CMIP: variants seen among roughly 807,000 people sequenced by gnomAD.
The protein encoded by CMIP is C-Maf-inducing protein.
In CMIP, 13 loss-of-function variants were observed where a neutral mutation model predicts 97.3. The observed-to-expected ratio is 0.13, with a 90% CI of 0.09 to 0.21. CMIP has a LOEUF of 0.21. CMIP is among the 10% of genes least tolerant of loss of function. CMIP has a pLI of 1.00. For synonymous variants in CMIP, 538 were observed against 436.3 expected (o/e 1.23, Z -2.91); for missense variants, 847 against 1,024.9 (o/e 0.83, Z 2.37).
chr16:81,475,542 A>G (rs1293282942), intron 1 of CMIP, among the ~76,000 whole-genome samples: 1 of 152,090 alleles, frequency 6.6e-6, no homozygotes, highest in Non-Finnish European at 1.5e-5. Context: ...AACTTAACTC[A>G]ACTCTGCAAT....
chr16:81,545,682 C>G (rs959470391), intron 1 of CMIP, among the ~76,000 whole-genome samples: 3 of 152,198 alleles, frequency 2.0e-5, no homozygotes, highest in Non-Finnish European at 4.4e-5. Context: ...CTTGACTGAT[C>G]TGCTTCTGTT....
At chr16:81,541,183 C>A (rs1182206804) in intron 1 of CMIP, among the ~76,000 whole-genome samples, 1 of 152,134 alleles carries the variant, frequency 6.6e-6, no homozygotes, top group East Asian at 1.9e-4. Context: ...TGTTCCTACC[C>A]CATATCCCAT....
intron 1 of CMIP, among the ~76,000 whole-genome samples, chr16:81,602,807 A>T (rs905148421): frequency 1.3e-5 from 2 of 152,100 alleles, no homozygotes; most frequent in African/African-American, 4.8e-5. Context: ...TTTCTTATCC[A>T]ATTCAGCCTC....
At chr16:81,634,463 C>T (rs1597173392) in intron 3 of CMIP, among the ~76,000 whole-genome samples, 3 of 152,152 alleles carry the variant, frequency 2.0e-5, no homozygotes, top group African/African-American at 7.2e-5. Context: ...GATGACTAAA[C>T]GTGTCCATAG....
chr16:81,693,648 C>T (rs1029702220), intron 13 of CMIP, among the ~76,000 whole-genome samples, 161 bp downstream of exon 13: 7 of 152,146 alleles, frequency 4.6e-5, no homozygotes, highest in African/African-American at 1.4e-4. Flanking sequence ...GGTGCAGAGC[C>T]CAGCCTGTGA....
At chr16:81,503,047 C>A (rs4889327) in intron 1 of CMIP, among the ~76,000 whole-genome samples, 1 of 152,048 alleles carries the variant, frequency 6.6e-6, no homozygotes, top group Non-Finnish European at 1.5e-5. Flanking sequence ...CTGGCCTCCT[C>A]GTTGATGTTT....
At chr16:81,456,464 G>A (rs1906553487) in intron 1 of CMIP, among the ~76,000 whole-genome samples, 1 of 152,210 alleles carries the variant, frequency 6.6e-6, no homozygotes, top group South Asian at 2.1e-4. Context: ...CTGGCAGCAA[G>A]GGCCGAATCA....
intron 1 of CMIP, among the ~76,000 whole-genome samples, chr16:81,505,296 T>C (rs955665104): frequency 1.3e-5 from 2 of 152,212 alleles, no homozygotes; most frequent in Non-Finnish European, 2.9e-5. Context: ...GAATCCCTCA[T>C]GTGTTCTGAA....
chr16:81,605,211 G>A (rs1417481071), intron 1 of CMIP, among the ~76,000 whole-genome samples: 1 of 152,180 alleles, frequency 6.6e-6, no homozygotes, highest in Non-Finnish European at 1.5e-5. Flanking sequence ...CCAGAACAGT[G>A]AAGGGCAGGC....
intron 10 of CMIP, among the ~76,000 whole-genome samples, chr16:81,679,052 G>A (rs1406910295): frequency 6.6e-6 from 1 of 152,222 alleles, no homozygotes; most frequent in Non-Finnish European, 1.5e-5. Flanking sequence ...GTGTGCAGGA[G>A]CACAGGGGTG....
At chr16:81,650,956 T>G (rs2092421357) in intron 3 of CMIP, among the ~76,000 whole-genome samples, 1 of 152,176 alleles carries the variant, frequency 6.6e-6, no homozygotes, top group South Asian at 2.1e-4. Flanking sequence ...CCTCAGATAC[T>G]TCCTTGATAG....
At chr16:81,513,191 C>CT (rs2089846526) in intron 1 of CMIP, among the ~76,000 whole-genome samples, 1 of 152,228 alleles carries the variant, frequency 6.6e-6, no homozygotes, top group Non-Finnish European at 1.5e-5. Context: ...TTGGAAGATT[C>CT]TCCCCCTAGA....
At chr16:81,677,408 A>G (rs1050342260) in intron 9 of CMIP, among the ~76,000 whole-genome samples, 6 of 152,162 alleles carry the variant, frequency 3.9e-5, no homozygotes, top group African/African-American at 1.4e-4. Flanking sequence ...GTGTTTGAGC[A>G]TCTGTGTGAC....
At chr16:81,583,431 C>G (rs367683342) in intron 1 of CMIP, among the ~76,000 whole-genome samples, 1 of 152,244 alleles carries the variant, frequency 6.6e-6, no homozygotes, top group African/African-American at 2.4e-5. Context: ...CTGTTCTAGG[C>G]TAAATCTGAA....
chr16:81,499,318 A>T (rs2089552372), intron 1 of CMIP, among the ~76,000 whole-genome samples: 1 of 152,180 alleles, frequency 6.6e-6, no homozygotes, highest in Non-Finnish European at 1.5e-5. Context: ...CTCGGCACAC[A>T]TACTTGTCTC....
intron 1 of CMIP, among the ~76,000 whole-genome samples, chr16:81,584,697 A>G (rs1429164335): frequency 6.6e-6 from 1 of 152,220 alleles, no homozygotes; most frequent in Non-Finnish European, 1.5e-5. Context: ...GGCGCCGTCC[A>G]TCATCCGAAT....
At chr16:81,506,334 G>C (rs1399887121) in intron 1 of CMIP, among the ~76,000 whole-genome samples, 1 of 152,178 alleles carries the variant, frequency 6.6e-6, no homozygotes, top group Non-Finnish European at 1.5e-5. Context: ...CCCCAGAGAA[G>C]TTTTCTGACC....
At chr16:81,596,298 G>A (rs572896063) in intron 1 of CMIP, among the ~76,000 whole-genome samples, 3 of 152,188 alleles carry the variant, frequency 2.0e-5, no homozygotes, top group African/African-American at 7.2e-5. Context: ...TTGAGGTCAG[G>A]AGTTCAAGAC....
At chr16:81,608,285 G>A (rs1239334462) in intron 2 of CMIP, among the ~76,000 whole-genome samples, 1 of 152,074 alleles carries the variant, frequency 6.6e-6, no homozygotes, top group Admixed American at 6.6e-5. Flanking sequence ...AAAGTAACTG[G>A]GAAGCCTTAG....
Sources: gnomAD v4.1 joint callset for allele counts (sites outside exome capture counted in the v4.1 genomes callset) on GRCh38, gnomAD v4.1.1 for gene constraint, MANE v1.5 for transcripts, NCBI Gene and HGNC (gene_info 2026-07-23, HGNC 2026-07-21) for gene names.